Variants in PRKAG2 observed in about 807,000 individuals in gnomAD.
The protein encoded by PRKAG2 is protein kinase AMP-activated non-catalytic subunit gamma 2.
A neutral mutation model predicts 69.6 loss-of-function variants in PRKAG2; 26 were observed. That is an observed-to-expected ratio of 0.37 (90% CI 0.27 to 0.52). The LOEUF (loss-of-function observed/expected upper bound fraction) is 0.52. Ranked by LOEUF, PRKAG2 falls within the 20% of genes least tolerant of loss-of-function variation. The pLI, the probability that PRKAG2 is intolerant of heterozygous loss-of-function variation, is 0.90. For missense variants in PRKAG2, 557 were observed against 740.0 expected (o/e 0.75, Z 2.87); for synonymous variants, 293 against 285.0 (o/e 1.03, Z -0.28).
intron 4 of PRKAG2, among the ~76,000 whole-genome samples, chr7:151,674,260 G>C (rs1832545031): frequency 6.6e-6 from 1 of 152,216 alleles, no homozygotes; most frequent in South Asian, 2.1e-4. Context: ...AGAAGGCAAG[G>C]AAGAACTCTC....
chr7:151,782,335 A>AGGGAG (rs2076730270), intron 2 of PRKAG2, among the ~76,000 whole-genome samples: 1 of 27,408 alleles, frequency 3.6e-5, no homozygotes, highest in African/African-American at 1.3e-4. Flanking sequence ...GAAGGAAGGA[A>AGGGAG]GGAAGGAGGG....
At position 151,756,060 on chromosome 7, in the gene PRKAG2, A is replaced by G. The variant is rs1198136822; in HGVS notation, c.466+25092T>C. On this transcript the variant is annotated intron_variant, in intron 3 of 15. Coordinates refer to ENST00000287878, the MANE Select transcript of PRKAG2 (RefSeq NM_016203.4). The surrounding 1 kb of genome is among the most constrained non-coding windows in gnomAD (Gnocchi z 4.9). ...TCTCCCGCCTCCTCTCCCATCCCCC[A>G]TTGGTCTCCTCCTCTTCTCAGGCCT... 6.6e-6 allele frequency among the ~76,000 whole-genome samples: 1 copy of G among 151,950 alleles called. No individual in the cohort carries two copies. The highest frequency in any genetic ancestry group is 2.4e-5 in the African/African-American group (1 of 41,368).
At chr7:151,827,760 A>AC (rs2078936895) in intron 1 of PRKAG2, among the ~76,000 whole-genome samples, 1 of 149,656 alleles carries the variant, frequency 6.7e-6, no homozygotes, top group Non-Finnish European at 1.5e-5. Flanking sequence ...AAAAAAAAAA[A>AC]AAAAAAAAAA....
At chr7:151,617,611 A>G (rs1470696319) in intron 5 of PRKAG2, among the ~76,000 whole-genome samples, 1 of 152,224 alleles carries the variant, frequency 6.6e-6, no homozygotes, top group Admixed American at 6.5e-5. Flanking sequence ...TGTTAATAGC[A>G]TTGTTGAGTT....
chr7:151,819,437 G>T (rs954930752), intron 1 of PRKAG2, among the ~76,000 whole-genome samples: 2 of 152,212 alleles, frequency 1.3e-5, no homozygotes, highest in African/African-American at 4.8e-5. Flanking sequence ...CCCACCTCCA[G>T]TCGCTAGAGA....
chr7:151,618,343 C>T (rs1399203720), intron 5 of PRKAG2, among the ~76,000 whole-genome samples: 1 of 151,986 alleles, frequency 6.6e-6, no homozygotes, highest in Admixed American at 6.6e-5. Context: ...ATCCCAGCTA[C>T]TCAGGAGCCT....
At chr7:151,792,951 G>A (rs990323359) in intron 1 of PRKAG2, among the ~76,000 whole-genome samples, 1 of 152,234 alleles carries the variant, frequency 6.6e-6, no homozygotes, top group Non-Finnish European at 1.5e-5. Flanking sequence ...GCCGGGGGCT[G>A]AGCCGGAGCC....
chr7:151,577,467 G>A (rs58926281), intron 6 of PRKAG2, among the ~76,000 whole-genome samples: 3,204 of 152,236 alleles, frequency 0.021, 94 homozygotes, highest in African/African-American at 0.073. Context: ...AAAACAAAGT[G>A]TCATTTGTAG....
chr7:151,601,173 T>G (rs1815987081), intron 5 of PRKAG2, among the ~76,000 whole-genome samples: 1 of 152,132 alleles, frequency 6.6e-6, no homozygotes, highest in South Asian at 2.1e-4. Flanking sequence ...TCAAAGCTTA[T>G]GCATCAGCCC....
At chr7:151,605,059 CA>C (rs1361557223) in intron 5 of PRKAG2, among the ~76,000 whole-genome samples, 4 of 152,194 alleles carry the variant, frequency 2.6e-5, no homozygotes, top group Non-Finnish European at 5.9e-5. Flanking sequence ...CTCTGTCACC[CA>C]GGCTGGAGTG....
chr7:151,675,532 A>T lies in PRKAG2; in HGVS notation c.572T>A (p.Ile191Asn), dbSNP rs1430348747. The T allele has an allele frequency of 6.2e-7, 1 of 1,614,138 alleles. No individual in the cohort carries two copies. Among genetic ancestry groups the T allele is most frequent in the Non-Finnish European group, 8.5e-7 (1 of 1,179,984 alleles). The change falls in exon 4 of 16, where the codon ATC becomes AAC. Residue 191 changes from isoleucine to asparagine, a missense_variant. This residue lies in a region of PRKAG2 where 352 missense variants were observed against 356.7 expected (regional missense o/e 0.99). Transcript: ENST00000287878. ...KHEPERLENR[I>N]YASSSPPDTG... ...GTCCGGGGGGGAAGACGAGGCATAG[A>T]TGCGATTCTCTAACCGTTCAGGCTC...
intron 1 of PRKAG2, among the ~76,000 whole-genome samples, chr7:151,841,946 T>TGATGGTAGTGATGGTAGGTAGG (rs2079304598): frequency 7.0e-6 from 1 of 141,948 alleles, no homozygotes; most frequent in Non-Finnish European, 1.5e-5. Flanking sequence ...TGGTAGGTAG[T>TGATGGTAGTGATGGTAGGTAGG]GATGGTAGTG....
chr7:151,762,990 C>T (rs1437510152), intron 3 of PRKAG2, among the ~76,000 whole-genome samples: 6 of 152,222 alleles, frequency 3.9e-5, no homozygotes, highest in African/African-American at 1.2e-4. Flanking sequence ...AAAGCCAGCA[C>T]TAGAGATGGG....
intron 5 of PRKAG2, among the ~76,000 whole-genome samples, chr7:151,599,651 G>A (rs1026577282): frequency 6.6e-6 from 1 of 152,118 alleles, no homozygotes; most frequent in South Asian, 2.1e-4. Context: ...TAGATCCCTC[G>A]TGGGCACAGT....
intron 15 of PRKAG2, chr7:151,559,914 T>C (rs1804529478): frequency 1.0e-6 from 1 of 985,286 alleles, no homozygotes. Flanking sequence ...ACTGAGTGTG[T>C]GAAATGAGAG....
intron 2 of PRKAG2, among the ~76,000 whole-genome samples, chr7:151,782,808 C>A (rs1014886064): frequency 6.6e-6 from 1 of 152,184 alleles, no homozygotes; most frequent in African/African-American, 2.4e-5. Flanking sequence ...GCACACGGTG[C>A]GTGGTAAACA....
intron 6 of PRKAG2, among the ~76,000 whole-genome samples, chr7:151,588,141 T>C (rs1812145088): frequency 6.6e-6 from 1 of 152,172 alleles, no homozygotes; most frequent in Non-Finnish European, 1.5e-5. Context: ...GATTCCATTA[T>C]GAAGTTTTAT....
intron 1 of PRKAG2, among the ~76,000 whole-genome samples, chr7:151,846,444 A>T (rs59218083): frequency 1.3e-5 from 2 of 152,102 alleles, no homozygotes; most frequent in African/African-American, 4.8e-5. Flanking sequence ...CTCCAGCCTG[A>T]CGACAGAAAC....
intron 1 of PRKAG2, among the ~76,000 whole-genome samples, chr7:151,844,168 AAG>A (rs1298138385): frequency 6.6e-6 from 1 of 152,156 alleles, no homozygotes; most frequent in Non-Finnish European, 1.5e-5. Context: ...GAGATAGAGA[AAG>A]AGCGTGGCTC....
Sources: gnomAD v4.1 joint callset for allele counts (sites outside exome capture counted in the v4.1 genomes callset) on GRCh38, gnomAD v4.1.1 for gene constraint, gnomAD v4.1.1 regional missense constraint, Gnocchi (gnomAD v3.1) non-coding constraint, MANE v1.5 for transcripts, NCBI Gene and HGNC (gene_info 2026-07-23, HGNC 2026-07-21) for gene names.